MYT1L: variants seen among roughly 807,000 people sequenced by gnomAD.
The protein encoded by MYT1L is myelin transcription factor 1-like protein.
A neutral mutation model predicts 126.7 loss-of-function variants in MYT1L; 12 were observed. The observed-to-expected ratio is 0.09, with a 90% confidence interval of 0.06 to 0.15. MYT1L has a LOEUF of 0.15. Among genes scored for constraint, MYT1L ranks in the 10% least tolerant of loss-of-function variants. MYT1L has a pLI of 1.00. For synonymous variants in MYT1L, 541 were observed against 604.2 expected (o/e 0.90, Z 1.53); for missense variants, 979 against 1,585.2 (o/e 0.62, Z 6.49).
intron 12 of MYT1L, among the ~76,000 whole-genome samples, chr2:1,911,030 G>A (rs2051894213): frequency 6.6e-6 from 1 of 152,118 alleles, no homozygotes; most frequent in Non-Finnish European, 1.5e-5. Flanking sequence ...CTGCTCATAT[G>A]CACAGACGCT....
chr2:2,311,297 G>A (rs528353572), intron 1 of MYT1L, among the ~76,000 whole-genome samples: 2 of 152,346 alleles, frequency 1.3e-5, no homozygotes, highest in East Asian at 3.9e-4. Flanking sequence ...TCACACAGAT[G>A]TGTGTGTCCA....
intron 8 of MYT1L, among the ~76,000 whole-genome samples, chr2:1,972,451 T>C (rs2059880916): frequency 6.6e-6 from 1 of 152,216 alleles, no homozygotes; most frequent in Non-Finnish European, 1.5e-5. Context: ...GAACTCCTAT[T>C]TTTCTCTCTG....
At position 1,884,779 on chromosome 2, in the gene MYT1L, C is replaced by T. The variant is rs2047966053; in HGVS notation, c.2711+1760G>A. 2.0e-5 allele frequency among the ~76,000 whole-genome samples: 3 copies of T among 152,316 alleles called. No individual in the cohort carries two copies. In the South Asian group the frequency reaches 6.2e-4, roughly 32 times the overall value. On this transcript the variant is annotated intron_variant, in intron 18 of 24. Coordinates refer to ENST00000647738, the MANE Select transcript of MYT1L (RefSeq NM_001303052.2). ...TCCACCTCCTGTAAGATACAGTCTC[C>T]CCTCCAGGACAAGACAGGAAGGAGG...
intron 3 of MYT1L, among the ~76,000 whole-genome samples, chr2:2,101,495 A>G (rs956997041): frequency 6.6e-6 from 1 of 152,170 alleles, no homozygotes; most frequent in Admixed American, 6.5e-5. Context: ...GTGTTATTAA[A>G]TGGATGGATG....
intron 4 of MYT1L, among the ~76,000 whole-genome samples, chr2:2,013,526 C>A (rs1361090693): frequency 6.6e-6 from 1 of 152,222 alleles, no homozygotes; most frequent in Admixed American, 6.5e-5. Flanking sequence ...GGCTCATGGT[C>A]ACCGTGAGGG....
At chr2:2,161,311 T>C (rs2087881839) in intron 3 of MYT1L, among the ~76,000 whole-genome samples, 1 of 152,228 alleles carries the variant, frequency 6.6e-6, no homozygotes, top group Non-Finnish European at 1.5e-5. Flanking sequence ...AACAAGAACT[T>C]TTTGTAATGT....
intron 8 of MYT1L, among the ~76,000 whole-genome samples, chr2:1,974,998 T>C (rs1045046756): frequency 7.9e-5 from 12 of 152,238 alleles, no homozygotes; most frequent in Non-Finnish European, 1.8e-4. Flanking sequence ...GAAATTAATG[T>C]AGAACATCCA....
chr2:2,163,681 G>C (rs1326456460), intron 3 of MYT1L, among the ~76,000 whole-genome samples: 1 of 151,136 alleles, frequency 6.6e-6, no homozygotes, highest in South Asian at 2.1e-4. Flanking sequence ...GCAGTGAGCC[G>C]ATACTGAGAT....
chr2:1,915,978 T>G (rs1432428154), intron 11 of MYT1L, among the ~76,000 whole-genome samples: 1 of 152,190 alleles, frequency 6.6e-6, no homozygotes, highest in African/African-American at 2.4e-5. Flanking sequence ...GCACCAAGTG[T>G]GTGCTGGGTA....
chr2:2,011,232 T>C (rs1328397775), intron 4 of MYT1L, among the ~76,000 whole-genome samples: 2 of 151,550 alleles, frequency 1.3e-5, no homozygotes, highest in Admixed American at 6.6e-5. Flanking sequence ...CTAGTAAAAA[T>C]ACAAAAAAAT....
At chr2:1,902,748 G>A (rs551971399) in intron 14 of MYT1L, 201 of 319,622 alleles carry the variant, frequency 6.3e-4, no homozygotes, top group African/African-American at 3.5e-3. Context: ...TAAAGGAAGC[G>A]TATAACATAA....
chr2:2,277,444 T>C (rs1254252929), intron 2 of MYT1L, among the ~76,000 whole-genome samples: 1 of 152,170 alleles, frequency 6.6e-6, no homozygotes, highest in Non-Finnish European at 1.5e-5. Flanking sequence ...GATTGTCCCA[T>C]ACGGGAGGAA....
In MYT1L at chr2:1,889,930, G is replaced by A. The variant is rs930765499; in HGVS notation, c.2284-453C>T. Among the ~76,000 whole-genome samples, 1 of 152,090 alleles carries A rather than the reference G, an allele frequency of 6.6e-6. No homozygotes were observed. The highest frequency in any genetic ancestry group is 2.4e-5 in the African/African-American group (1 of 41,412). The stretch of plus-strand genomic sequence containing the variant: ...TACATGTATGTGCATGTGTGTGTGT[G>A]TATAAACACACATATATCAGCTTAA... On this transcript the variant is annotated intron_variant, in intron 15 of 24. Transcript: ENST00000647738. The surrounding 1 kb of genome is among the most constrained non-coding windows in gnomAD (Gnocchi z 4.1).
chr2:2,292,797 A>G (rs2095618671), intron 1 of MYT1L, among the ~76,000 whole-genome samples: 2 of 152,296 alleles, frequency 1.3e-5, no homozygotes, highest in East Asian at 1.9e-4. Flanking sequence ...GATAAACTGT[A>G]TCTGACAAAC....
chr2:1,849,074 T>C (rs2042875622), intron 19 of MYT1L, among the ~76,000 whole-genome samples: 1 of 152,012 alleles, frequency 6.6e-6, no homozygotes, highest in Non-Finnish European at 1.5e-5. Flanking sequence ...ATATTAAGAC[T>C]TAACAGTCTA....
At chr2:1,977,696 A>G (rs1199460559) in intron 8 of MYT1L, among the ~76,000 whole-genome samples, 1 of 152,204 alleles carries the variant, frequency 6.6e-6, no homozygotes, top group Non-Finnish European at 1.5e-5. Flanking sequence ...AAACATTTTA[A>G]GAAACTTTTT....
At chr2:1,842,901 T>C (rs1353214759) in intron 19 of MYT1L, 1 of 177,470 alleles carries the variant, frequency 5.6e-6, no homozygotes, top group Non-Finnish European at 1.2e-5. Context: ...TTCCAGGCGC[T>C]TCCGCTTCCA....
chr2:2,325,756 A>T lies in MYT1L; in HGVS notation c.-521+5211T>A, dbSNP rs560149862. 4 of 152,404 alleles carry T rather than the reference A, an allele frequency of 2.6e-5. No homozygotes were observed. In the East Asian group the frequency reaches 5.8e-4, roughly 22 times the overall value. The allele number at this position is 152,404 out of a possible 1,614,324, so 9.4% of individuals were successfully genotyped here. A position where few individuals can be genotyped will look rare whatever the true frequency, so the allele number is the denominator to read the frequency against. Reference sequence around the variant, plus strand: ...AATACACAGACTCATGTTTAACAACAACTCCGGGCAGCATGCAGACATAGC... The same window carrying T: ...AATACACAGACTCATGTTTAACAACTACTCCGGGCAGCATGCAGACATAGC... On this transcript the variant is annotated intron_variant, in intron 1 of 24. Coordinates refer to ENST00000647738, the MANE Select transcript of MYT1L (RefSeq NM_001303052.2).
chr2:2,284,152 T>C (rs998080120), intron 2 of MYT1L, among the ~76,000 whole-genome samples: 2 of 152,196 alleles, frequency 1.3e-5, no homozygotes, highest in East Asian at 1.9e-4. Context: ...AGATTATAGG[T>C]GATGCTTTCA....
Sources: allele counts gnomAD v4.1 joint callset (sites outside exome capture counted in the v4.1 genomes callset), GRCh38; gene constraint gnomAD v4.1.1; non-coding constraint Gnocchi (gnomAD v3.1); transcripts MANE v1.5; gene names NCBI Gene and HGNC (gene_info 2026-07-23, HGNC 2026-07-21).